HACE1: variants seen among roughly 807,000 people sequenced by gnomAD.
HACE1 encodes the protein E3 ubiquitin-protein ligase HACE1.
HACE1 carries 73 observed loss-of-function variants against 118.4 expected under a neutral mutation model. That is an observed-to-expected ratio of 0.62 (90% CI 0.51 to 0.75). The LOEUF is 0.75. HACE1 is among the 30% of genes least tolerant of loss of function. The pLI is 0.00. For synonymous variants in HACE1, 368 were observed against 374.8 expected (o/e 0.98, Z 0.21); for missense variants, 749 against 1,102.2 (o/e 0.68, Z 4.54).
intron 20 of HACE1, among the ~76,000 whole-genome samples, chr6:104,747,515 A>C (rs1387544021): frequency 1.3e-5 from 2 of 151,976 alleles, no homozygotes; most frequent in Non-Finnish European, 2.9e-5. Context: ...AGTGCAGCAT[A>C]GCCCTCCCCT....
chr6:104,754,873 A>G, intron 19 of HACE1, among the ~76,000 whole-genome samples: 1 of 152,188 alleles, frequency 6.6e-6, no homozygotes, highest in South Asian at 2.1e-4. Context: ...AAGCAACCAC[A>G]TAAACCAAGC....
Position 104,768,600 on chromosome 6 carries a change from A to G in HACE1, c.2211+2593T>C, listed in dbSNP as rs555805305. Among the ~76,000 whole-genome samples the G allele has an allele frequency of 5.4e-5, 8 of 148,290 alleles. No individual in the cohort carries two copies. The South Asian group carries it at 1.1e-3, about 20-fold the overall frequency. ...ACAATTACTATACTGGTAACATTAG[A>G]AAAAAAAGGCTCAATTTATTGTGAG... On this transcript the variant is annotated intron_variant, in intron 19 of 23. Coordinates refer to ENST00000262903, the MANE Select transcript of HACE1 (RefSeq NM_020771.4).
chr6:104,729,570 G>T lies in HACE1; in HGVS notation c.*92C>A. 1.3e-6 allele frequency: 1 copy of T among 765,124 alleles called. No individual in the cohort carries two copies. Among genetic ancestry groups the T allele is most frequent in the South Asian group, 1.4e-5 (1 of 73,104 alleles). 47.4% of individuals were successfully genotyped at this position (765,124 alleles called of 1,614,324 possible). A position where few individuals can be genotyped will look rare whatever the true frequency, so the allele number is the denominator to read the frequency against. ...GAAGCATCAGCCCTGCCTATGGGTT[G>T]CATTTAGGCTGCTTTTTTGTTGACA... On this transcript the variant is annotated 3_prime_UTR_variant, in exon 24 of 24. Coordinates refer to ENST00000262903, the MANE Select transcript of HACE1 (RefSeq NM_020771.4).
chr6:104,777,404 A>G (rs1781330751), intron 14 of HACE1, 87 bp from the exon 15 acceptor site: 4 of 805,158 alleles, frequency 5.0e-6, no homozygotes, highest in South Asian at 4.1e-5. Context: ...TGCCTTTTCT[A>G]CAAATAATCA....
chr6:104,750,943 G>C lies in HACE1; in HGVS notation c.2212-471C>G, dbSNP rs6940522. 7.6e-3 allele frequency among the ~76,000 whole-genome samples: 1,161 copies of C among 152,076 alleles called. 8 individuals carry two copies. The highest frequency in any genetic ancestry group is 0.013 in the Non-Finnish European group (858 of 67,988). The stretch of plus-strand genomic sequence containing the variant: ...ATGTACATGTAAATAACTCAGATCC[G>C]GCAGCTCTCTTGCTCAAAACCCTAT... On this transcript the variant is annotated intron_variant, in intron 19 of 23. Transcript: ENST00000262903.
intron 22 of HACE1, among the ~76,000 whole-genome samples, chr6:104,743,176 G>A (rs147581741): frequency 3.4e-5 from 4 of 117,158 alleles, no homozygotes; most frequent in Non-Finnish European, 3.4e-5. Flanking sequence ...GTGGGGGGAG[G>A]GGGGAGGGAT....
At chr6:104,770,798 G>A (rs948760562) in intron 19 of HACE1, among the ~76,000 whole-genome samples, 7 of 152,198 alleles carry the variant, frequency 4.6e-5, no homozygotes, top group African/African-American at 1.7e-4. Context: ...GATCCCAAAA[G>A]TATGTGGAAA....
At chr6:104,741,685 T>A (rs2114486216) in intron 22 of HACE1, among the ~76,000 whole-genome samples, 1 of 147,566 alleles carries the variant, frequency 6.8e-6, no homozygotes, top group South Asian at 2.2e-4. Context: ...GGAAGAACAT[T>A]CCATGCTCAT....
intron 7 of HACE1, among the ~76,000 whole-genome samples, chr6:104,804,115 T>C (rs537715938): frequency 3.1e-4 from 47 of 152,250 alleles, no homozygotes; most frequent in African/African-American, 7.7e-4. Context: ...CCATTCACAA[T>C]TGCTTCAAAG....
chr6:104,743,079 G>A (rs545256427), intron 22 of HACE1, among the ~76,000 whole-genome samples: 8 of 149,442 alleles, frequency 5.4e-5, no homozygotes, highest in African/African-American at 1.2e-4. Context: ...ACCAAACACC[G>A]CGTATTCTCA....
At chr6:104,776,975 CAT>C in intron 16 of HACE1, 36 bp downstream of exon 16, 1 of 1,376,156 alleles carries the variant, frequency 7.3e-7, no homozygotes, top group Non-Finnish European at 1.0e-6. Flanking sequence ...TCTTTCTTTA[CAT>C]ACAGTGATTT....
intron 7 of HACE1, among the ~76,000 whole-genome samples, chr6:104,804,182 G>C (rs966690026): frequency 1.3e-5 from 2 of 152,182 alleles, no homozygotes; most frequent in African/African-American, 4.8e-5. Flanking sequence ...TCTTCAAGGA[G>C]AACTACAAAC....
chr6:104,800,899 C>T (rs2114905457), intron 7 of HACE1, among the ~76,000 whole-genome samples: 1 of 152,106 alleles, frequency 6.6e-6, no homozygotes, highest in African/African-American at 2.4e-5. Flanking sequence ...CTTCAGAAGG[C>T]TGGTAATAAC....
At chr6:104,802,615 T>C (rs1014678317) in intron 7 of HACE1, among the ~76,000 whole-genome samples, 13 of 152,066 alleles carry the variant, frequency 8.5e-5, no homozygotes, top group South Asian at 4.2e-4. Context: ...TGAATGACTA[T>C]TGGGTAAATA....
intron 5 of HACE1, among the ~76,000 whole-genome samples, chr6:104,841,063 G>A (rs1276619914): frequency 6.6e-6 from 1 of 151,558 alleles, no homozygotes; most frequent in African/African-American, 2.4e-5. Flanking sequence ...GGAAGTTGCA[G>A]TGAGCTGGGA....
At chr6:104,763,354 TTCAAAGTGTTTTAGATTTTGGAATA>T (rs1779618300) in intron 19 of HACE1, among the ~76,000 whole-genome samples, 1 of 152,132 alleles carries the variant, frequency 6.6e-6, no homozygotes. Flanking sequence ...CGTTTCAAAT[TTCAAAGTGTTTTAGATTTTGGAATA>T]TCTGTATATA....
At chr6:104,733,119 AT>A (rs1775392391) in intron 22 of HACE1, among the ~76,000 whole-genome samples, 1 of 152,238 alleles carries the variant, frequency 6.6e-6, no homozygotes, top group Non-Finnish European at 1.5e-5. Context: ...GTCGTTCTGA[AT>A]TTCCTATGAT....
chr6:104,758,238 T>C (rs1406543833), intron 19 of HACE1, among the ~76,000 whole-genome samples: 18 of 151,746 alleles, frequency 1.2e-4, no homozygotes, highest in Non-Finnish European at 2.9e-5. Flanking sequence ...CCCCAAGACA[T>C]ATAAAATGTC....
In HACE1 at chr6:104,744,256, C is replaced by T. The variant is rs773337212; in HGVS notation, c.2443-26G>A. 2.2e-5 allele frequency: 32 copies of T among 1,432,442 alleles called. 1 individual carries two copies. In the South Asian group the frequency reaches 3.1e-4, roughly 14 times the overall value. 88.7% of individuals were successfully genotyped at this position (1,432,442 alleles called of 1,614,324 possible). On this transcript the variant is annotated intron_variant, in intron 21 of 23. Transcript: ENST00000262903. ...CTAACAACAAGAACAAAAAACTTAG[C>T]TCATATTTCAGAGCAATTGTAGACT...
Sources: allele counts gnomAD v4.1 joint callset (sites outside exome capture counted in the v4.1 genomes callset), GRCh38; gene constraint gnomAD v4.1.1; transcripts MANE v1.5; gene names NCBI Gene and HGNC (gene_info 2026-07-23, HGNC 2026-07-21).